The following RUFY2 variants were observed in gnomAD, a reference collection of about 807,000 sequenced individuals.
RUFY2 encodes the protein RUN and FYVE domain-containing protein 2.
RUFY2 carries 49 observed loss-of-function variants against 94.4 expected under a neutral mutation model. The observed-to-expected ratio is 0.52, with a 90% confidence interval of 0.41 to 0.66. RUFY2 has a LOEUF of 0.66. Among genes scored for constraint, RUFY2 ranks in the 30% least tolerant of loss-of-function variants. The probability of loss-of-function intolerance (pLI) is 0.00; values close to 1 mark genes in which losing one functional copy is unlikely to be tolerated. For synonymous variants in RUFY2, 255 were observed against 235.7 expected, an observed-to-expected ratio of 1.08 and a Z score of -0.75; for missense variants, 541 against 692.8, an observed-to-expected ratio of 0.78 and a Z score of 2.46.
chr10:68,381,826 CAAG>C (rs1172807564), intron 10 of RUFY2, among the ~76,000 whole-genome samples: 1 of 152,144 alleles, frequency 6.6e-6, no homozygotes, highest in Non-Finnish European at 1.5e-5. Flanking sequence ...CCAGCGGGGG[CAAG>C]AGAGTAAGAC....
intron 6 of RUFY2, among the ~76,000 whole-genome samples, chr10:68,393,544 G>A (rs1294492716): frequency 1.3e-5 from 2 of 151,926 alleles, no homozygotes; most frequent in African/African-American, 2.4e-5. Context: ...TCTGGCCAAC[G>A]TGGTGAAACC....
chr10:68,375,388 A>G (rs959479423), intron 13 of RUFY2, among the ~76,000 whole-genome samples: 9 of 152,182 alleles, frequency 5.9e-5, no homozygotes, highest in African/African-American at 2.2e-4. Context: ...GGGTGATAAA[A>G]TAATATACAC....
chr10:68,406,020 C>T (rs1483516861), intron 1 of RUFY2, among the ~76,000 whole-genome samples: 1 of 152,212 alleles, frequency 6.6e-6, no homozygotes. Flanking sequence ...GCTTCCCCAT[C>T]ATCTCATCAC....
intron 16 of RUFY2, 60 bp downstream of exon 16, chr10:68,355,293 C>T: frequency 8.6e-7 from 1 of 1,157,822 alleles, no homozygotes; most frequent in Non-Finnish European, 1.3e-6. Context: ...TCACACAGGG[C>T]ATTACCTTCC....
chr10:68,379,973 A>G (rs879537583), intron 11 of RUFY2, among the ~76,000 whole-genome samples: 7 of 151,652 alleles, frequency 4.6e-5, no homozygotes, highest in South Asian at 2.1e-4. Context: ...GCGCCCAGCT[A>G]ATTTTTTTGT....
chr10:68,377,484 T>G, intron 12 of RUFY2: 1 of 990,710 alleles, frequency 1.0e-6, no homozygotes. Context: ...ACGGCATCTT[T>G]ATGCATTTAC....
intron 16 of RUFY2, among the ~76,000 whole-genome samples, chr10:68,355,050 T>C (rs920885713): frequency 6.6e-6 from 1 of 152,154 alleles, no homozygotes; most frequent in African/African-American, 2.4e-5. Flanking sequence ...TTTCACCATG[T>C]TGGCCAGGCT....
At chr10:68,348,430 T>C (rs1253167363) in intron 16 of RUFY2, among the ~76,000 whole-genome samples, 2 of 151,450 alleles carry the variant, frequency 1.3e-5, no homozygotes, top group South Asian at 2.1e-4. Flanking sequence ...GGTGGGAGGA[T>C]TGCTTAAACC....
At chr10:68,346,143 C>T in intron 16 of RUFY2, 59 bp from the exon 17 acceptor site, 1 of 1,300,560 alleles carries the variant, frequency 7.7e-7, no homozygotes, top group Non-Finnish European at 1.1e-6. Context: ...AATGTGAAAA[C>T]TTTTTCCCCC....
downstream of RUFY2, chr10:68,343,276 C>CT (rs906925427): frequency 2.6e-5 from 4 of 152,152 alleles, no homozygotes; most frequent in African/African-American, 9.7e-5. Flanking sequence ...CATACGATGT[C>CT]TATGATTTAG....
At chr10:68,406,688 C>G in intron 1 of RUFY2, 2 of 1,400,780 alleles carry the variant, frequency 1.4e-6, no homozygotes, top group Non-Finnish European at 1.9e-6. Flanking sequence ...TCTCTTCCTG[C>G]CCCCTCCCCC....
intron 15 of RUFY2, among the ~76,000 whole-genome samples, chr10:68,359,728 G>A (rs1414993647): frequency 4.7e-5 from 7 of 149,654 alleles, no homozygotes; most frequent in African/African-American, 1.5e-4. Context: ...GGAGGTGGAG[G>A]TTGCAGTGAG....
intron 8 of RUFY2, among the ~76,000 whole-genome samples, chr10:68,385,197 G>A (rs1417198090): frequency 1.3e-5 from 2 of 151,918 alleles, no homozygotes; most frequent in Non-Finnish European, 2.9e-5. Context: ...CTGGGAGGCG[G>A]AGGTTGCAGT....
chr10:68,390,270 T>G (rs1039471910), intron 7 of RUFY2, among the ~76,000 whole-genome samples: 3 of 152,202 alleles, frequency 2.0e-5, no homozygotes, highest in African/African-American at 7.2e-5. Flanking sequence ...ATTAGTTTCT[T>G]TTCCTAAAAT....
At chr10:68,377,032 TGAA>T in intron 12 of RUFY2, 60 bp from the exon 13 acceptor site, 1 of 1,583,084 alleles carries the variant, frequency 6.3e-7, no homozygotes, top group Non-Finnish European at 8.5e-7. Context: ...TGTAAAAGGG[TGAA>T]GAAGACAAAT....
chr10:68,402,845 T>C (rs1334653095), intron 2 of RUFY2, among the ~76,000 whole-genome samples: 2 of 129,578 alleles, frequency 1.5e-5, no homozygotes, highest in Admixed American at 7.8e-5. Context: ...ATATCTTTTT[T>C]TTTTTTTTTT....
intron 2 of RUFY2, among the ~76,000 whole-genome samples, chr10:68,403,294 T>G (rs1242765904): frequency 6.7e-6 from 1 of 150,244 alleles, no homozygotes; most frequent in African/African-American, 2.4e-5. Context: ...TCTGTCACCC[T>G]GGGCTGGAAT....
At chr10:68,397,114 A>G (rs1487739036) in intron 3 of RUFY2, among the ~76,000 whole-genome samples, 2 of 152,190 alleles carry the variant, frequency 1.3e-5, no homozygotes, top group African/African-American at 4.8e-5. Context: ...GACTCTCTAA[A>G]CACAGTAGTG....
Position 68,401,603 on chromosome 10 carries a change from G to C in RUFY2, c.296+17C>G. 3 of 1,486,124 alleles carry C rather than the reference G, an allele frequency of 2.0e-6. No homozygotes were observed. The highest frequency in any genetic ancestry group is 2.8e-6 in the Non-Finnish European group (3 of 1,063,400). 92.1% of individuals were successfully genotyped at this position (1,486,124 alleles called of 1,614,324 possible). ...CACTTCTGTGGCTAGGGATGAACAA[G>C]TAATAGGCCTCCTTACTTCAGACCA... On this transcript the variant is annotated intron_variant, in intron 3 of 17. Coordinates refer to ENST00000602465, the MANE Select transcript of RUFY2 (RefSeq NM_001330103.2).
Sources: allele counts gnomAD v4.1 joint callset (sites outside exome capture counted in the v4.1 genomes callset), GRCh38; gene constraint gnomAD v4.1.1; transcripts MANE v1.5; gene names NCBI Gene and HGNC (gene_info 2026-07-23, HGNC 2026-07-21).